Variants in USP24 observed in about 807,000 individuals in gnomAD.
The protein encoded by USP24 is ubiquitin specific peptidase 24, also known as ubiquitin carboxyl-terminal hydrolase 24.
In USP24, 97 loss-of-function variants were observed where a neutral mutation model predicts 361.6. The observed-to-expected ratio is 0.27, with a 90% CI of 0.23 to 0.32. The LOEUF is 0.32. Ranked by LOEUF, USP24 falls within the 10% of genes least tolerant of loss-of-function variation. USP24 has a pLI of 1.00. For synonymous variants in USP24, 1,098 were observed against 1,124.6 expected (o/e 0.98, Z 0.47); for missense variants, 2,353 against 3,165.6 (o/e 0.74, Z 6.16).
rs750623201 is a variant in USP24, at chr1:55,121,484, A to C, written c.4299T>G (p.Cys1433Trp). The C allele has an allele frequency of 3.7e-6, 6 of 1,613,810 alleles. No homozygotes were observed. The highest frequency in any genetic ancestry group is 5.1e-6 in the Non-Finnish European group (6 of 1,179,796). Residue 1433 changes from cysteine to tryptophan, a missense_variant, in exon 37 of 68, where the codon TGT becomes TGG. This residue lies in a region of USP24 where 949 missense variants were observed against 1,280.5 expected (regional missense o/e 0.74). Transcript: ENST00000294383. ...GAATATCAATGATGAAATCAGCAAC[A>C]CAGGGCAAGTTATAGAAAGATGCTA... ...QQLASFYNLPCVADFIIDILL... is the reference protein window; with the variant it reads ...QQLASFYNLPWVADFIIDILL...
intron 55 of USP24, among the ~76,000 whole-genome samples, chr1:55,087,574 G>A (rs1336951891): frequency 6.6e-6 from 1 of 152,134 alleles, no homozygotes; most frequent in Non-Finnish European, 1.5e-5. Flanking sequence ...AACTCTAAAG[G>A]GACAGGCGTA....
chr1:55,126,129 G>T (rs927975124), intron 32 of USP24, among the ~76,000 whole-genome samples: 1 of 152,176 alleles, frequency 6.6e-6, no homozygotes, highest in African/African-American at 2.4e-5. Context: ...TTCATAACTT[G>T]ACCTCTGGTA....
intron 36 of USP24, among the ~76,000 whole-genome samples, chr1:55,121,717 G>A (rs1646287283): frequency 6.6e-6 from 1 of 152,138 alleles, no homozygotes; most frequent in Admixed American, 6.5e-5. Flanking sequence ...TTATTTTTGT[G>A]CTCTATATTT....
rs781223086 is a variant in USP24, at chr1:55,141,755, C to T, written c.2635-24G>A. The T allele has an allele frequency of 2.0e-5, 31 of 1,571,448 alleles. 1 individual carries two copies. In the South Asian group the frequency reaches 3.6e-4, roughly 18 times the overall value. On this transcript the variant is annotated intron_variant, in intron 23 of 67. Coordinates refer to ENST00000294383, the MANE Select transcript of USP24 (RefSeq NM_015306.3). Reference sequence around the variant, plus strand: ...GCCTAAAAAATACCAAACAGTCATTCTCTATCAGGGTTTCTCAACCTGGAC... The same window carrying T: ...GCCTAAAAAATACCAAACAGTCATTTTCTATCAGGGTTTCTCAACCTGGAC...
chr1:55,144,934 C>CT (rs1646988327), intron 20 of USP24, among the ~76,000 whole-genome samples: 1 of 152,092 alleles, frequency 6.6e-6, no homozygotes, highest in African/African-American at 2.4e-5. Flanking sequence ...GACTCCATCT[C>CT]AAACAAACAA....
At chr1:55,158,789 T>C in intron 10 of USP24, 89 bp downstream of exon 10, 1 of 1,108,946 alleles carries the variant, frequency 9.0e-7, no homozygotes, top group Non-Finnish European at 1.2e-6. Flanking sequence ...TTATTCATAT[T>C]TCCCAAAATT....
intron 39 of USP24, among the ~76,000 whole-genome samples, chr1:55,107,865 A>AC (rs1553150275): frequency 8.3e-4 from 122 of 147,106 alleles, no homozygotes; most frequent in Middle Eastern, 3.4e-3. Flanking sequence ...AAAAAAAAAA[A>AC]ACACACAAAA....
chr1:55,171,609 C>T lies in USP24; in HGVS notation c.772G>A (p.Val258Met). The change falls in exon 5 of 68, where the codon GTG becomes ATG. Residue 258 changes from valine (V) to methionine (M), a missense_variant. Val to Met is a conservative substitution (Grantham distance 21). Coordinates refer to ENST00000294383, the MANE Select transcript of USP24 (RefSeq NM_015306.3). ...GCAAACATATTTCCCTCTCCAAACACTTCTGCCCAATTCCTTTGAGACACT... is the reference window on the plus strand; with the variant it reads ...GCAAACATATTTCCCTCTCCAAACATTTCTGCCCAATTCCTTTGAGACACT... ...MKVSQRNWAE[V>M]FGEGNMFAVS... 3.7e-6 allele frequency: 6 copies of T among 1,611,052 alleles called. No individual in the cohort carries two copies. Among genetic ancestry groups the T allele is most frequent in the Non-Finnish European group, 5.1e-6 (6 of 1,178,464 alleles).
intron 53 of USP24, among the ~76,000 whole-genome samples, chr1:55,092,579 A>T (rs1645406580): frequency 6.6e-6 from 1 of 152,242 alleles, no homozygotes; most frequent in Admixed American, 6.5e-5. Flanking sequence ...TATAAATCTA[A>T]ACAAGGGCAC....
At chr1:55,079,692 G>C in intron 59 of USP24, 33 bp from the exon 60 acceptor site, 3 of 1,508,572 alleles carry the variant, frequency 2.0e-6, no homozygotes, top group South Asian at 1.4e-5. Flanking sequence ...AACAGAACCT[G>C]TCTCACCTGG....
At chr1:55,153,976 C>T (rs1570560386) in intron 15 of USP24, 59 bp from the exon 16 acceptor site, 1 of 1,542,674 alleles carries the variant, frequency 6.5e-7, no homozygotes, top group Admixed American at 2.0e-5. Context: ...CCTATAATTT[C>T]CCGATCTTGG....
At chr1:55,117,457 G>T (rs189095038) in intron 38 of USP24, among the ~76,000 whole-genome samples, 1 of 152,210 alleles carries the variant, frequency 6.6e-6, no homozygotes, top group Admixed American at 6.5e-5. Context: ...GGCCGGGCGC[G>T]GTGGCTCACG....
intron 6 of USP24, among the ~76,000 whole-genome samples, chr1:55,166,151 T>C (rs1434389617): frequency 1.3e-5 from 2 of 151,658 alleles, no homozygotes; most frequent in African/African-American, 2.4e-5. Context: ...TTACAAACAA[T>C]CCAATTATAT....
At position 55,101,484 on chromosome 1, in the gene USP24, T is replaced by C. The variant is rs1645633291; in HGVS notation, c.5145+100A>G. On this transcript the variant is annotated intron_variant, in intron 43 of 67. Transcript: ENST00000294383. Reference sequence around the variant, plus strand: ...TACTAAAGAATTGCAAGTTATGTCTTGTTTTAGGAAACCCCAAAAGCAATA... The same window carrying C: ...TACTAAAGAATTGCAAGTTATGTCTCGTTTTAGGAAACCCCAAAAGCAATA... 3 of 1,485,006 alleles carry C rather than the reference T, an allele frequency of 2.0e-6. No homozygotes were observed. The South Asian group carries it at 3.8e-5, about 19-fold the overall frequency. The allele number at this position is 1,485,006 out of a possible 1,614,324, so 92.0% of individuals were successfully genotyped here.
chr1:55,209,595 G>A (rs1346517815), intron 1 of USP24, among the ~76,000 whole-genome samples: 1 of 152,090 alleles, frequency 6.6e-6, no homozygotes, highest in East Asian at 1.9e-4. Context: ...TAATTTGATA[G>A]GAAACCTAAT....
rs370061705 is a variant in USP24 at position 55,147,034 on chromosome 1, T to C, written c.2145A>G (p.Leu715=). The C allele has an allele frequency of 8.6e-5, 137 of 1,592,622 alleles. No individual in the cohort carries two copies. In the African/African-American group the frequency reaches 1.7e-3, roughly 20 times the overall value. ...REYLEAHLKF[L]AFFLQEATLY... ...GAGTAGCTTCTTGCAAGAAAAACGC[T>C]AGAAATTTTAGATGTGCCTCTAAAT... is the stretch of plus-strand genomic sequence containing the variant. Residue 715 remains leucine, a synonymous_variant, in exon 19 of 68, where the codon CTA becomes CTG. Coordinates refer to ENST00000294383, the MANE Select transcript of USP24 (RefSeq NM_015306.3).
At chr1:55,100,509 A>G (rs1408221554) in intron 44 of USP24, among the ~76,000 whole-genome samples, 2 of 152,170 alleles carry the variant, frequency 1.3e-5, no homozygotes, top group Non-Finnish European at 2.9e-5. Context: ...AAAAAAAAAA[A>G]AAGTGTTCTT....
At chr1:55,174,340 T>C (rs1334277465) in intron 3 of USP24, among the ~76,000 whole-genome samples, 1 of 152,172 alleles carries the variant, frequency 6.6e-6, no homozygotes, top group East Asian at 1.9e-4. Flanking sequence ...CAGACAAGCC[T>C]AAAGGCACAC....
rs753324349 is a variant in USP24, at chr1:55,206,978, G to A, written c.324+7812C>T. ...GCTGAGGAGTTCGAGACCAGCCTGC[G>A]CAACATGGCGAAACCCTATATCTAC... On this transcript the variant is annotated intron_variant, in intron 1 of 67. Transcript: ENST00000294383. Among the ~76,000 whole-genome samples the A allele has an allele frequency of 1.1e-3, 164 of 152,062 alleles. 1 individual carries two copies. The highest frequency in any genetic ancestry group is 9.2e-4 in the Admixed American group (14 of 15,272).
Sources: gnomAD v4.1 joint callset for allele counts (sites outside exome capture counted in the v4.1 genomes callset) on GRCh38, gnomAD v4.1.1 for gene constraint, gnomAD v4.1.1 regional missense constraint, MANE v1.5 for transcripts, NCBI Gene and HGNC (gene_info 2026-07-23, HGNC 2026-07-21) for gene names.